SLC30A8: variants seen among roughly 807,000 people sequenced by gnomAD.
SLC30A8 encodes solute carrier family 30 member 8, also known as proton-coupled zinc antiporter SLC30A8.
A neutral mutation model predicts 36.9 loss-of-function variants in SLC30A8; 27 were observed. That is an observed-to-expected ratio of 0.73 (90% confidence interval 0.54 to 1.01). The LOEUF is 1.01. SLC30A8 is among the 50% of genes least tolerant of loss of function. The pLI is 0.00. For missense variants in SLC30A8, 439 were observed against 452.0 expected, an observed-to-expected ratio of 0.97 and a Z score of 0.26; for synonymous variants, 164 against 172.4, an observed-to-expected ratio of 0.95 and a Z score of 0.38.
chr8:117,172,967 A>G lies in SLC30A8; in HGVS notation c.*286A>G. On this transcript the variant is annotated 3_prime_UTR_variant, in exon 8 of 8. Transcript: ENST00000456015. ...TAACAGCTGTTTGTAACTATCGGCA[A>G]TACCAAATTCATCTCCCTTCCAATA... 2.9e-6 allele frequency: 1 copy of G among 349,450 alleles called. No individual in the cohort carries two copies. 21.6% of individuals were successfully genotyped at this position (349,450 alleles called of 1,614,324 possible). A position where few individuals can be genotyped will look rare whatever the true frequency, so the allele number is the denominator to read the frequency against.
intron 1 of SLC30A8, among the ~76,000 whole-genome samples, chr8:117,015,123 T>C (rs1816473523): frequency 6.6e-6 from 1 of 151,946 alleles, no homozygotes; most frequent in Non-Finnish European, 1.5e-5. Context: ...GGGGAGCTTA[T>C]AGGAAACTGC....
At chr8:117,145,898 T>C (rs1216721860) in intron 1 of SLC30A8, among the ~76,000 whole-genome samples, 2 of 152,138 alleles carry the variant, frequency 1.3e-5, no homozygotes, top group East Asian at 3.9e-4. Context: ...CTCGCTTATA[T>C]ATGGGAGCTA....
intron 2 of SLC30A8, among the ~76,000 whole-genome samples, chr8:117,129,021 G>A (rs1821026362): frequency 6.6e-6 from 1 of 152,000 alleles, no homozygotes; most frequent in Non-Finnish European, 1.5e-5. Context: ...GGGTGCTTGG[G>A]CTGGATTCAG....
intron 2 of SLC30A8, among the ~76,000 whole-genome samples, chr8:117,129,228 A>G (rs1037056033): frequency 3.3e-5 from 5 of 152,094 alleles, no homozygotes; most frequent in African/African-American, 4.8e-5. Flanking sequence ...TGAGCAGACA[A>G]TGAATCCGTT....
At chr8:117,022,743 C>G (rs140387577) in intron 1 of SLC30A8, among the ~76,000 whole-genome samples, 2,410 of 152,300 alleles carry the variant, frequency 0.016, 70 homozygotes, top group African/African-American at 0.055. Flanking sequence ...GGATCAAAGA[C>G]TTAAATGTTA....
At chr8:117,047,286 T>C (rs960539478) in intron 2 of SLC30A8, among the ~76,000 whole-genome samples, 7 of 152,172 alleles carry the variant, frequency 4.6e-5, no homozygotes, top group African/African-American at 1.7e-4. Context: ...CTTTGTTTTG[T>C]ACATGAGGAA....
chr8:117,140,751 T>G (rs1821614805), intron 1 of SLC30A8, among the ~76,000 whole-genome samples: 2 of 151,958 alleles, frequency 1.3e-5, no homozygotes, highest in Admixed American at 1.3e-4. Flanking sequence ...AAAGCAATAG[T>G]AAAGGAAGAA....
At chr8:117,045,733 A>G (rs1247092819) in intron 2 of SLC30A8, among the ~76,000 whole-genome samples, 3 of 152,200 alleles carry the variant, frequency 2.0e-5, no homozygotes, top group African/African-American at 7.2e-5. Flanking sequence ...AAGCGTGGCC[A>G]GTGCAGAGCT....
At chr8:116,955,700 G>A (rs993568124) in intron 1 of SLC30A8, among the ~76,000 whole-genome samples, 1 of 150,638 alleles carries the variant, frequency 6.6e-6, no homozygotes, top group African/African-American at 2.4e-5. Flanking sequence ...TCCAGCCTGG[G>A]TGACAGAGCG....
intron 1 of SLC30A8, among the ~76,000 whole-genome samples, chr8:117,143,696 ACT>A (rs1821769105): frequency 6.7e-6 from 1 of 149,628 alleles, no homozygotes; most frequent in Admixed American, 6.7e-5. Context: ...ACACACACAC[ACT>A]CACACATGAA....
intron 1 of SLC30A8, among the ~76,000 whole-genome samples, chr8:116,964,096 A>G (rs1243912513): frequency 6.6e-6 from 1 of 152,224 alleles, no homozygotes; most frequent in Non-Finnish European, 1.5e-5. Flanking sequence ...ATAAAATTCG[A>G]TCTGGATAGG....
intron 1 of SLC30A8, among the ~76,000 whole-genome samples, chr8:116,976,815 TTTCTTTC>T (rs1332939955): frequency 2.8e-5 from 4 of 142,308 alleles, no homozygotes; most frequent in Non-Finnish European, 6.0e-5. Flanking sequence ...TCTTTCTTTC[TTTCTTTC>T]TTTTTTTTTT....
chr8:117,018,990 C>A (rs1029293352), intron 1 of SLC30A8, among the ~76,000 whole-genome samples: 3 of 152,216 alleles, frequency 2.0e-5, no homozygotes, highest in Non-Finnish European at 4.4e-5. Flanking sequence ...GAACTACCAG[C>A]TAAGCATTTT....
At chr8:116,976,790 C>T (rs1226548368) in intron 1 of SLC30A8, among the ~76,000 whole-genome samples, 2 of 138,992 alleles carry the variant, frequency 1.4e-5, no homozygotes, top group Non-Finnish European at 3.0e-5. Flanking sequence ...CTGAGTTTCC[C>T]CTTTTATTTT....
chr8:117,029,554 CCAT>C (rs1215777175), intron 1 of SLC30A8, among the ~76,000 whole-genome samples: 1 of 152,264 alleles, frequency 6.6e-6, no homozygotes, highest in East Asian at 1.9e-4. Flanking sequence ...ATTCATCAGC[CCAT>C]CATCATAACC....
In SLC30A8 at chr8:116,986,985, T is replaced by C. The variant is rs1191786314; in HGVS notation, c.-266+35866T>C. Reference sequence around the variant, plus strand: ...AGTCCTTTATAGGTCTATATCATTATTGTTTAGTCTTCTCATATTGAGACA... The same window carrying C: ...AGTCCTTTATAGGTCTATATCATTACTGTTTAGTCTTCTCATATTGAGACA... On this transcript the variant is annotated intron_variant, in intron 1 of 10. Coordinates refer to the SLC30A8 transcript ENST00000427715. 3.3e-5 allele frequency among the ~76,000 whole-genome samples: 5 copies of C among 152,294 alleles called. No homozygotes were observed. In the South Asian group the frequency reaches 6.2e-4, roughly 19 times the overall value.
intron 1 of SLC30A8, among the ~76,000 whole-genome samples, chr8:117,002,404 A>C (rs1045005491): frequency 6.6e-6 from 1 of 152,208 alleles, no homozygotes; most frequent in Non-Finnish European, 1.5e-5. Flanking sequence ...AAGTACTTTA[A>C]ATAGAACTGA....
intron 6 of SLC30A8, among the ~76,000 whole-genome samples, chr8:117,168,640 G>A (rs1563640860): frequency 6.6e-6 from 1 of 152,004 alleles, no homozygotes; most frequent in African/African-American, 2.4e-5. Flanking sequence ...ATGAGATGAA[G>A]GAGACAAGTG....
intron 2 of SLC30A8, among the ~76,000 whole-genome samples, chr8:117,051,538 G>T (rs1817707218): frequency 6.6e-6 from 1 of 152,190 alleles, no homozygotes; most frequent in South Asian, 2.1e-4. Context: ...CTGGGGCTGG[G>T]CGTGGTGGTT....
Sources: allele counts gnomAD v4.1 joint callset (sites outside exome capture counted in the v4.1 genomes callset), GRCh38; gene constraint gnomAD v4.1.1; transcripts MANE v1.5; gene names NCBI Gene and HGNC (gene_info 2026-07-23, HGNC 2026-07-21).